Variants in SESN2 observed in about 807,000 individuals in gnomAD.
SESN2 encodes the protein sestrin-2.
A neutral mutation model predicts 56.0 loss-of-function variants in SESN2; 42 were observed. That is an observed-to-expected ratio of 0.75 (90% CI 0.59 to 0.97). The LOEUF is 0.97. SESN2 is among the 50% of genes least tolerant of loss of function. The probability of loss-of-function intolerance (pLI) is 0.00; values close to 1 mark genes in which losing one functional copy is unlikely to be tolerated. For missense variants in SESN2, 507 were observed against 649.4 expected, an observed-to-expected ratio of 0.78 and a Z score of 2.38; for synonymous variants, 264 against 267.1, an observed-to-expected ratio of 0.99 and a Z score of 0.11.
rs1425248011 is a variant in SESN2 at position 28,279,263 on chromosome 1, C to T, written c.1356+22C>T. ...GAAGGTATGACCTATACAGGCAGGG[C>T]AGGATGGAAGTAGACAGGCCAAGCC... On this transcript the variant is annotated intron_variant, in intron 9 of 9. Coordinates refer to ENST00000253063, the MANE Select transcript of SESN2 (RefSeq NM_031459.5). 1.9e-5 allele frequency: 30 copies of T among 1,613,116 alleles called. No homozygotes were observed. The Admixed American group carries it at 5.0e-4, about 27-fold the overall frequency.
At chr1:28,260,296 A>G (rs995380955) in intron 1 of SESN2, among the ~76,000 whole-genome samples, 1 of 151,974 alleles carries the variant, frequency 6.6e-6, no homozygotes. Context: ...CTTCAAGTCC[A>G]GGCAAATCCC....
rs1647858139 is a variant in SESN2, at chr1:28,273,379, G to A, written c.772G>A (p.Val258Met). The A allele has an allele frequency of 1.2e-6, 2 of 1,604,528 alleles. No homozygotes were observed. The highest frequency in any genetic ancestry group is 1.7e-6 in the Non-Finnish European group (2 of 1,175,746). The change falls in exon 6 of 10, where the codon GTG (valine) becomes ATG (methionine). Residue 258 changes from valine to methionine, a missense_variant. By Grantham distance (21) the Val-to-Met change is conservative (BLOSUM62 1). Transcript: ENST00000253063. ...GCAGGGCTTTGAGTCTGCCCGCGACGTGGAGGCGCTGATGGAGCGCATGCA... is the reference window on the plus strand; with the variant it reads ...GCAGGGCTTTGAGTCTGCCCGCGACATGGAGGCGCTGATGGAGCGCATGCA... Reference protein sequence around the residue: ...NSGGFESARDVEALMERMQQL... With the variant: ...NSGGFESARDMEALMERMQQL...
intron 7 of SESN2, among the ~76,000 whole-genome samples, chr1:28,274,571 T>C (rs563767579): frequency 3.3e-5 from 5 of 151,680 alleles, no homozygotes; most frequent in Admixed American, 3.3e-4. Context: ...TCCCTCAAGA[T>C]TCCACGAGGG....
chr1:28,273,239 A>G, intron 5 of SESN2, 119 bp from the exon 6 acceptor site: 1 of 963,796 alleles, frequency 1.0e-6, no homozygotes, highest in Non-Finnish European at 1.5e-6. Flanking sequence ...TGGCTGGCAC[A>G]GAGGATGCCC....
chr1:28,276,569 C>CTT (rs1648050550), intron 8 of SESN2, among the ~76,000 whole-genome samples: 2 of 133,324 alleles, frequency 1.5e-5, no homozygotes, highest in Non-Finnish European at 3.1e-5. Context: ...CTTTTTCTTT[C>CTT]CTTTTTTTTT....
At chr1:28,278,343 C>T (rs1385115633) in intron 8 of SESN2, among the ~76,000 whole-genome samples, 1 of 152,002 alleles carries the variant, frequency 6.6e-6, no homozygotes, top group Non-Finnish European at 1.5e-5. Flanking sequence ...CTGAGGCAGG[C>T]GGATCATGAG....
intron 9 of SESN2, among the ~76,000 whole-genome samples, chr1:28,280,423 G>A (rs1648191982): frequency 6.6e-6 from 1 of 152,160 alleles, no homozygotes; most frequent in African/African-American, 2.4e-5. Flanking sequence ...GGCCAGGCTG[G>A]TCTCGAACTC....
rs1318108600 is a variant in SESN2 at position 28,259,957 on chromosome 1, C to A, written c.90+20C>A. ...GGAGAGGTAAGCGGCGGCCGCGCGA[C>A]GCCCCTCTTCCCTGGAACCCCGAAC... On this transcript the variant is annotated intron_variant, in intron 1 of 9. Coordinates refer to ENST00000253063, the MANE Select transcript of SESN2 (RefSeq NM_031459.5). 2.0e-6 allele frequency: 3 copies of A among 1,488,088 alleles called. No homozygotes were observed. The highest frequency in any genetic ancestry group is 2.9e-5 in the African/African-American group (2 of 68,574). The allele number at this position is 1,488,088 out of a possible 1,614,324, so 92.2% of individuals were successfully genotyped here.
chr1:28,274,968 G>C lies in SESN2; in HGVS notation c.1164G>C (p.Val388=). The part of the protein sequence containing the change: ...IAMHSGVDTS[V]LRRAIWNYIH... ...TGCACAGTGGTGTGGACACCTCCGT[G>C]CTCCGCAGGGCCATCTGGAACTATA... The change falls in exon 8 of 10, where the codon GTG becomes GTC. Residue 388 remains valine, a synonymous_variant. Transcript: ENST00000253063. 1 of 1,614,164 alleles carries C rather than the reference G, an allele frequency of 6.2e-7. No homozygotes were observed. Among genetic ancestry groups the C allele is most frequent in the South Asian group, 1.1e-5 (1 of 91,086 alleles).
intron 2 of SESN2, among the ~76,000 whole-genome samples, chr1:28,270,367 A>T (rs1278900996): frequency 2.6e-5 from 4 of 151,740 alleles, no homozygotes; most frequent in Non-Finnish European, 4.4e-5. Context: ...AAAAAAAAAA[A>T]TTTGTTTCCT....
chr1:28,280,225 A>T (rs1296717952), intron 9 of SESN2, among the ~76,000 whole-genome samples: 1 of 152,158 alleles, frequency 6.6e-6, no homozygotes, highest in Non-Finnish European at 1.5e-5. Context: ...ATGGGAATAA[A>T]TACTGCTGTA....
chr1:28,269,932 A>G (rs1313911308), intron 2 of SESN2, among the ~76,000 whole-genome samples: 1 of 152,256 alleles, frequency 6.6e-6, no homozygotes, highest in African/African-American at 2.4e-5. Context: ...AACAAGACAG[A>G]CAAAAATATT....
chr1:28,280,852 G>C lies in SESN2; in HGVS notation c.*50G>C, dbSNP rs1168889678. 8 of 1,426,546 alleles carry C rather than the reference G, an allele frequency of 5.6e-6. No homozygotes were observed. The highest frequency in any genetic ancestry group is 7.9e-6 in the Non-Finnish European group (8 of 1,013,384). 88.4% of individuals were successfully genotyped at this position (1,426,546 alleles called of 1,614,324 possible). ...TTCAGCTCCCCACAAGGACTTCTCT[G>C]TCTGGAGACAGCCCCAGACCCTTTT... On this transcript the variant is annotated 3_prime_UTR_variant, in exon 10 of 10. Coordinates refer to ENST00000253063, the MANE Select transcript of SESN2 (RefSeq NM_031459.5).
At position 28,274,978 on chromosome 1, in the gene SESN2, G is replaced by T. The variant is rs1051382459; in HGVS notation, c.1174G>T (p.Ala392Ser). ...TGTGGACACCTCCGTGCTCCGCAGG[G>T]CCATCTGGAACTATATCCACTGCGT... The part of the protein sequence containing the change: ...SGVDTSVLRR[A>S]IWNYIHCVFG... Residue 392 changes from alanine (A) to serine (S), a missense_variant, in exon 8 of 10, where the codon GCC (alanine) becomes TCC (serine). Coordinates refer to ENST00000253063, the MANE Select transcript of SESN2 (RefSeq NM_031459.5). 10 of 1,613,888 alleles carry T rather than the reference G, an allele frequency of 6.2e-6. No individual in the cohort carries two copies. The Admixed American group carries it at 1.2e-4, about 19-fold the overall frequency.
At chr1:28,263,906 A>G (rs756787520) in intron 1 of SESN2, among the ~76,000 whole-genome samples, 2 of 152,122 alleles carry the variant, frequency 1.3e-5, no homozygotes, top group Non-Finnish European at 2.9e-5. Context: ...AGCTAATTTA[A>G]AAGTTAACAT....
chr1:28,278,847 A>T (rs1648136555), intron 8 of SESN2, among the ~76,000 whole-genome samples: 1 of 152,218 alleles, frequency 6.6e-6, no homozygotes, highest in African/African-American at 2.4e-5. Flanking sequence ...TGAGGATTCC[A>T]CATGGCACAT....
intron 1 of SESN2, among the ~76,000 whole-genome samples, chr1:28,265,621 C>G (rs1647533790): frequency 6.6e-6 from 1 of 152,140 alleles, no homozygotes; most frequent in Non-Finnish European, 1.5e-5. Context: ...TCTCGAACTC[C>G]CAACCTCTGG....
chr1:28,272,331 C>G lies in SESN2; in HGVS notation c.402C>G (p.Ala134=). Residue 134 remains alanine (A), a synonymous_variant, in exon 4 of 10, where the codon GCC becomes GCG. Transcript: ENST00000253063. ...CTTACCTGGTAGGCTCCCACATGGC[C>G]GAGTTTCTGCAGACTGGTGGTGACC... The part of the protein sequence containing the change: ...QCSYLVGSHM[A]EFLQTGGDPE... The G allele has an allele frequency of 6.2e-7, 1 of 1,614,092 alleles. No individual in the cohort carries two copies. Among genetic ancestry groups the G allele is most frequent in the Non-Finnish European group, 8.5e-7 (1 of 1,180,010 alleles).
In SESN2 at chr1:28,280,920, G is replaced by A. The variant is rs892382959; in HGVS notation, c.*118G>A. On this transcript the variant is annotated 3_prime_UTR_variant, in exon 10 of 10. Transcript: ENST00000253063. ...TCCCCACGCTGCAGTGGGCTTGTGT[G>A]TGATGTGCAGTCCCGAAGCCACACC... 2.7e-6 allele frequency: 2 copies of A among 736,756 alleles called. No homozygotes were observed. Among genetic ancestry groups the A allele is most frequent in the African/African-American group, 1.7e-5 (1 of 58,520 alleles). The allele number at this position is 736,756 out of a possible 1,614,324, so 45.6% of individuals were successfully genotyped here. A position where few individuals can be genotyped will look rare whatever the true frequency, so the allele number is the denominator to read the frequency against.
Sources: gnomAD v4.1 joint callset for allele counts (sites outside exome capture counted in the v4.1 genomes callset) on GRCh38, gnomAD v4.1.1 for gene constraint, MANE v1.5 for transcripts, NCBI Gene and HGNC (gene_info 2026-07-23, HGNC 2026-07-21) for gene names.